The following SLIT3 variants were observed in gnomAD, a reference collection of about 807,000 sequenced individuals.
SLIT3 encodes the protein slit guidance ligand 3.
A neutral mutation model predicts 184.0 loss-of-function variants in SLIT3; 68 were observed. The ratio of observed to expected loss-of-function variants is 0.37; its 90% CI spans 0.30 to 0.45. The LOEUF (loss-of-function observed/expected upper bound fraction) is 0.45, where lower values mean the gene tolerates loss of function less well. Among genes scored for constraint, SLIT3 ranks in the 20% least tolerant of loss-of-function variants. SLIT3 has a pLI of 1.00. For missense variants in SLIT3, 1,707 were observed against 2,026.0 expected (o/e 0.84, Z 3.02); for synonymous variants, 831 against 828.6 (o/e 1.00, Z -0.05).
intron 1 of SLIT3, among the ~76,000 whole-genome samples, chr5:169,288,298 G>A (rs1767225702): frequency 6.6e-6 from 1 of 152,092 alleles, no homozygotes; most frequent in Admixed American, 6.5e-5. Flanking sequence ...AGCTGCAGAG[G>A]CATACTTGAA....
At chr5:169,233,400 T>A (rs1018121109) in intron 3 of SLIT3, among the ~76,000 whole-genome samples, 6 of 105,506 alleles carry the variant, frequency 5.7e-5, no homozygotes, top group Non-Finnish European at 1.2e-4. Context: ...TATATAGAAA[T>A]TGTCTTTTTT....
At chr5:168,796,096 G>C (rs770126161) in intron 9 of SLIT3, among the ~76,000 whole-genome samples, 6 of 152,180 alleles carry the variant, frequency 3.9e-5, no homozygotes, top group Non-Finnish European at 8.8e-5. Flanking sequence ...TACAGTGCAG[G>C]AACAGCCTTA....
At chr5:169,193,364 A>G (rs569958213) in intron 4 of SLIT3, 115 bp downstream of exon 4, 1 of 827,676 alleles carries the variant, frequency 1.2e-6, no homozygotes, top group Non-Finnish European at 2.1e-6. Context: ...CCAAGTCTCT[A>G]TGTCAGGGCC....
At chr5:169,115,476 G>T (rs1333033924) in intron 4 of SLIT3, among the ~76,000 whole-genome samples, 1 of 152,152 alleles carries the variant, frequency 6.6e-6, no homozygotes, top group Non-Finnish European at 1.5e-5. Context: ...ACCCTGGGCA[G>T]TAGGTATTCC....
At chr5:168,723,293 C>CACCT (rs1359229133) in intron 21 of SLIT3, among the ~76,000 whole-genome samples, 9 of 151,556 alleles carry the variant, frequency 5.9e-5, no homozygotes, top group East Asian at 2.0e-4. Flanking sequence ...CCCAGGCAGT[C>CACCT]ACCTGCCTGC....
chr5:169,287,467 C>T (rs1219562879), intron 1 of SLIT3, among the ~76,000 whole-genome samples: 1 of 152,168 alleles, frequency 6.6e-6, no homozygotes, highest in Non-Finnish European at 1.5e-5. Flanking sequence ...GATCTTTGCA[C>T]AGGATGAGGC....
At chr5:168,914,507 T>C (rs1179315234) in intron 4 of SLIT3, among the ~76,000 whole-genome samples, 1 of 152,206 alleles carries the variant, frequency 6.6e-6, no homozygotes. Flanking sequence ...TGCCGTTACC[T>C]GGACTTTTCT....
At chr5:168,850,321 C>A (rs2113725863) in intron 5 of SLIT3, among the ~76,000 whole-genome samples, 1 of 152,204 alleles carries the variant, frequency 6.6e-6, no homozygotes, top group East Asian at 1.9e-4. Flanking sequence ...TGTACACTTG[C>A]CCACCAGACC....
intron 5 of SLIT3, among the ~76,000 whole-genome samples, chr5:168,867,051 TG>T (rs746593485): frequency 6.6e-6 from 1 of 152,082 alleles, no homozygotes; most frequent in East Asian, 1.9e-4. Context: ...GAATCAGCTG[TG>T]GAGTGGTTTA....
At chr5:168,797,955 G>T (rs1756624943) in intron 9 of SLIT3, among the ~76,000 whole-genome samples, 1 of 152,122 alleles carries the variant, frequency 6.6e-6, no homozygotes, top group Non-Finnish European at 1.5e-5. Flanking sequence ...CAGTTTAAGG[G>T]ATTAGGACCC....
At chr5:169,114,928 T>C (rs1432676622) in intron 4 of SLIT3, among the ~76,000 whole-genome samples, 2 of 152,176 alleles carry the variant, frequency 1.3e-5, no homozygotes, top group African/African-American at 4.8e-5. Context: ...TAGAGAAACA[T>C]TATCCACCTC....
chr5:169,215,720 T>C (rs1378140357), intron 3 of SLIT3, among the ~76,000 whole-genome samples: 1 of 152,166 alleles, frequency 6.6e-6, no homozygotes, highest in African/African-American at 2.4e-5. Flanking sequence ...CTCCTAAAGA[T>C]TTCCTGAATA....
intron 6 of SLIT3, among the ~76,000 whole-genome samples, chr5:168,831,200 A>G (rs541116972): frequency 7.6e-4 from 116 of 151,998 alleles, no homozygotes; most frequent in Middle Eastern, 3.4e-3. Context: ...TAGAATAGAA[A>G]GTACAGATCT....
intron 4 of SLIT3, among the ~76,000 whole-genome samples, chr5:169,031,498 C>T (rs1757024579): frequency 6.6e-6 from 1 of 152,130 alleles, no homozygotes; most frequent in African/African-American, 2.4e-5. Flanking sequence ...GGGTCTCACC[C>T]AAACAGGAGG....
At chr5:169,139,379 A>G (rs898815964) in intron 4 of SLIT3, among the ~76,000 whole-genome samples, 1 of 152,228 alleles carries the variant, frequency 6.6e-6, no homozygotes, top group Non-Finnish European at 1.5e-5. Context: ...AAGTTTTTGC[A>G]AACTACTTTT....
At chr5:168,801,545 G>C (rs1292234234) in intron 9 of SLIT3, among the ~76,000 whole-genome samples, 1 of 152,252 alleles carries the variant, frequency 6.6e-6, no homozygotes, top group Non-Finnish European at 1.5e-5. Flanking sequence ...GAAGATACGA[G>C]ACACGGGATA....
chr5:169,215,620 G>T (rs928423649), intron 3 of SLIT3, among the ~76,000 whole-genome samples: 15 of 152,272 alleles, frequency 9.9e-5, no homozygotes, highest in Admixed American at 3.9e-4. Context: ...TATAAAAGCA[G>T]GCAGTGGGCC....
chr5:169,006,419 G>A (rs564977808), intron 4 of SLIT3, among the ~76,000 whole-genome samples: 5 of 152,190 alleles, frequency 3.3e-5, no homozygotes, highest in African/African-American at 1.2e-4. Context: ...GGAGCCATGA[G>A]GAATCTACCC....
Position 168,710,931 on chromosome 5 carries a change from G to A in SLIT3, c.2683C>T (p.Leu895=). The A allele has an allele frequency of 6.4e-7, 1 of 1,562,978 alleles. No individual in the cohort carries two copies. The highest frequency in any genetic ancestry group is 8.7e-7 in the Non-Finnish European group (1 of 1,153,082). The stretch of plus-strand genomic sequence containing the variant: ...AAGCGGTGGGTTGGGGTGGTGAGCA[G>A]GAGCCTGTCAGCCATGGGCTCAGGG... ...SSPEPMADRL[L]LTTPTHRFQC... The change falls in exon 25 of 36, where the codon CTG becomes TTG. Residue 895 remains leucine (L), a synonymous_variant. Transcript: ENST00000519560.
Sources: allele counts gnomAD v4.1 joint callset (sites outside exome capture counted in the v4.1 genomes callset), GRCh38; gene constraint gnomAD v4.1.1; transcripts MANE v1.5; gene names NCBI Gene and HGNC (gene_info 2026-07-23, HGNC 2026-07-21).